The following RSRC1 variants were observed in gnomAD, a reference collection of about 807,000 sequenced individuals.
RSRC1 encodes serine/Arginine-related protein 53.
Under a neutral mutation model 49.1 loss-of-function variants are expected in RSRC1, and 39 were observed. That is an observed-to-expected ratio of 0.79 (90% CI 0.61 to 1.04). The LOEUF is 1.04. Among genes scored for constraint, RSRC1 ranks in the 50% least tolerant of loss-of-function variants. RSRC1 has a pLI of 0.00. For missense variants in RSRC1, 388 were observed against 402.4 expected (o/e 0.96, Z 0.31); for synonymous variants, 143 against 130.8 (o/e 1.09, Z -0.63).
intron 7 of RSRC1, among the ~76,000 whole-genome samples, chr3:158,507,024 G>C (rs1386497551): frequency 6.6e-6 from 1 of 152,010 alleles, no homozygotes; most frequent in Non-Finnish European, 1.5e-5. Context: ...TTTAAAATGT[G>C]TTGTATATAT....
intron 6 of RSRC1, among the ~76,000 whole-genome samples, chr3:158,412,400 T>G (rs948183811): frequency 6.6e-6 from 1 of 152,204 alleles, no homozygotes; most frequent in Non-Finnish European, 1.5e-5. Context: ...ATTCCTTTTC[T>G]TGGCTAAAAT....
chr3:158,268,156 G>A (rs1341764931), intron 4 of RSRC1, among the ~76,000 whole-genome samples: 1 of 152,090 alleles, frequency 6.6e-6, no homozygotes, highest in Non-Finnish European at 1.5e-5. Context: ...GTGGTTGATT[G>A]CTTCATTTTC....
At chr3:158,413,787 A>G (rs7638647) in intron 6 of RSRC1, among the ~76,000 whole-genome samples, 2,607 of 152,310 alleles carry the variant, frequency 0.017, 67 homozygotes, top group African/African-American at 0.06. Flanking sequence ...ACAATGAGAT[A>G]CCATCTCATG....
intron 5 of RSRC1, among the ~76,000 whole-genome samples, chr3:158,329,718 A>T (rs532201605): frequency 1.3e-5 from 2 of 152,276 alleles, no homozygotes; most frequent in African/African-American, 4.8e-5. Context: ...ACATTCTCAG[A>T]TCTCAAACTC....
Position 158,123,937 on chromosome 3 carries a change from G to T in RSRC1, c.266G>T (p.Gly89Val), listed in dbSNP as rs1373959345. ...RRKRSRSRSR[G>V]RGKSYRVQRS... ...AAACGAAGTCGAAGTCGTTCAAGGG[G>T]TCGAGGGAAATCCTATAGAGTTCAG... The change falls in exon 3 of 10, where the codon GGT (glycine) becomes GTT (valine). Residue 89 changes from glycine (G) to valine (V), a missense_variant. Coordinates refer to ENST00000611884, the MANE Select transcript of RSRC1 (RefSeq NM_001271838.2). The T allele has an allele frequency of 1.2e-6, 2 of 1,612,888 alleles. No homozygotes were observed. Among genetic ancestry groups the T allele is most frequent in the African/African-American group, 2.7e-5 (2 of 74,848 alleles).
intron 8 of RSRC1, among the ~76,000 whole-genome samples, chr3:158,538,519 A>G (rs1454931905): frequency 6.6e-6 from 1 of 151,916 alleles, no homozygotes; most frequent in African/African-American, 2.4e-5. Flanking sequence ...TTGTTTGTGA[A>G]GTTTACCCTG....
At chr3:158,160,270 T>G (rs906321218) in intron 3 of RSRC1, among the ~76,000 whole-genome samples, 1 of 152,200 alleles carries the variant, frequency 6.6e-6, no homozygotes, top group Non-Finnish European at 1.5e-5. Flanking sequence ...ATTCACTTAT[T>G]AAAAATTTTA....
rs574380828 is a variant in RSRC1, at chr3:158,300,317, A to T, written c.531+2242A>T. 9.0e-4 allele frequency among the ~76,000 whole-genome samples: 137 copies of T among 152,330 alleles called. 1 individual carries two copies. Among genetic ancestry groups the T allele is most frequent in the African/African-American group, 3.1e-3 (130 of 41,584 alleles). ...GTTGTAATCGACCCACTAACTGTGA[A>T]CTATTAACAATATATTCATCTATCC... On this transcript the variant is annotated intron_variant, in intron 5 of 9. Transcript: ENST00000611884.
At chr3:158,218,555 A>G (rs1038834902) in intron 4 of RSRC1, among the ~76,000 whole-genome samples, 6 of 151,652 alleles carry the variant, frequency 4.0e-5, no homozygotes, top group Non-Finnish European at 8.9e-5. Context: ...CTTTGGACAT[A>G]CTGAGTTTGA....
intron 4 of RSRC1, among the ~76,000 whole-genome samples, chr3:158,280,581 T>C (rs1356134563): frequency 6.7e-6 from 1 of 150,188 alleles, no homozygotes; most frequent in Non-Finnish European, 1.5e-5. Flanking sequence ...GGGCAAATCA[T>C]GATGGCTATG....
intron 3 of RSRC1, among the ~76,000 whole-genome samples, chr3:158,155,013 T>A (rs571468590): frequency 6.6e-6 from 1 of 152,120 alleles, no homozygotes; most frequent in Admixed American, 6.5e-5. Context: ...TTCTGTTTTT[T>A]GTTTTGTTTT....
intron 4 of RSRC1, among the ~76,000 whole-genome samples, chr3:158,237,821 G>A (rs1440784620): frequency 6.6e-6 from 1 of 152,022 alleles, no homozygotes; most frequent in African/African-American, 2.4e-5. Flanking sequence ...TGATTGCCCT[G>A]GCCAGAACTT....
intron 7 of RSRC1, among the ~76,000 whole-genome samples, chr3:158,475,234 T>A (rs1239067591): frequency 6.6e-6 from 1 of 152,128 alleles, no homozygotes; most frequent in Admixed American, 6.6e-5. Flanking sequence ...CAATTGTTAA[T>A]CATTCATTTT....
At chr3:158,445,176 A>T (rs914473976) in intron 6 of RSRC1, among the ~76,000 whole-genome samples, 2 of 152,212 alleles carry the variant, frequency 1.3e-5, no homozygotes, top group Admixed American at 6.5e-5. Flanking sequence ...AGGAATATAA[A>T]TCATGCTACT....
At chr3:158,474,225 G>A (rs1054281769) in intron 7 of RSRC1, among the ~76,000 whole-genome samples, 10 of 152,080 alleles carry the variant, frequency 6.6e-5, no homozygotes, top group Non-Finnish European at 1.5e-4. Flanking sequence ...TTCCGATAAA[G>A]CAAATATCTC....
chr3:158,371,054 C>T (rs1478961531), intron 6 of RSRC1, among the ~76,000 whole-genome samples: 2 of 151,810 alleles, frequency 1.3e-5, no homozygotes, highest in Non-Finnish European at 2.9e-5. Flanking sequence ...AGCATCTTTT[C>T]ATGCAGTCAT....
intron 7 of RSRC1, among the ~76,000 whole-genome samples, chr3:158,513,577 C>G (rs2108477408): frequency 6.6e-6 from 1 of 152,144 alleles, no homozygotes; most frequent in South Asian, 2.1e-4. Context: ...CTAAAATTCT[C>G]TTTTTTGGTT....
intron 3 of RSRC1, among the ~76,000 whole-genome samples, chr3:158,171,000 A>G (rs1718851392): frequency 6.6e-6 from 1 of 152,178 alleles, no homozygotes; most frequent in South Asian, 2.1e-4. Flanking sequence ...TGATCTGGGA[A>G]AAGTTGCTCC....
At chr3:158,279,961 G>GC (rs879404600) in intron 4 of RSRC1, among the ~76,000 whole-genome samples, 7 of 152,166 alleles carry the variant, frequency 4.6e-5, no homozygotes, top group Non-Finnish European at 1.0e-4. Flanking sequence ...TGGTGTTACT[G>GC]CCTGTGTATA....
Sources: gnomAD v4.1 joint callset for allele counts (sites outside exome capture counted in the v4.1 genomes callset) on GRCh38, gnomAD v4.1.1 for gene constraint, MANE v1.5 for transcripts, NCBI Gene and HGNC (gene_info 2026-07-23, HGNC 2026-07-21) for gene names.